Variants in C4orf50 observed in about 807,000 individuals in gnomAD.
C4orf50 encodes the protein chromosome 4 open reading frame 50.
In C4orf50, 80 loss-of-function variants were observed where a neutral mutation model predicts 77.2. The ratio of observed to expected loss-of-function variants is 1.04; its 90% CI spans 0.87 to 1.25. The LOEUF is 1.25. Among genes scored for constraint, C4orf50 ranks in the 50% most tolerant of loss-of-function variants. The probability of loss-of-function intolerance (pLI) is 0.00; values close to 1 mark genes in which losing one functional copy is unlikely to be tolerated. For missense variants in C4orf50, 1,257 were observed against 1,152.9 expected (o/e 1.09, Z -1.31); for synonymous variants, 532 against 465.3 (o/e 1.14, Z -1.84).
Position 5,908,333 on chromosome 4 carries a change from G to A in C4orf50, c.*2475-10145C>T, listed in dbSNP as rs1716645482. On this transcript the variant is annotated intron_variant, in intron 7 of 7. Coordinates refer to the C4orf50 transcript ENST00000324058. The surrounding 1 kb of genome is among the most constrained non-coding windows in gnomAD (Gnocchi z 5.6). ...AAGCTGACTGAGACATTATGACAGG[G>A]TACATGCAGGAAGCTCACTGCACTG... is the stretch of plus-strand genomic sequence containing the variant. 6.6e-6 allele frequency among the ~76,000 whole-genome samples: 1 copy of A among 152,136 alleles called. No homozygotes were observed.
chr4:5,900,800 G>A lies in C4orf50; in HGVS notation c.*2475-2612C>T, dbSNP rs888951477. On this transcript the variant is annotated intron_variant, in intron 7 of 7. Transcript: ENST00000324058. The surrounding 1 kb of genome is among the most constrained non-coding windows in gnomAD (Gnocchi z 4.3). ...GAGAAGGATGCTTACACTAGATGAAGTCTGAGGCTGTCTCCAGCTCCAACA... is the reference window on the plus strand; with the variant it reads ...GAGAAGGATGCTTACACTAGATGAAATCTGAGGCTGTCTCCAGCTCCAACA... 6.6e-6 allele frequency: 1 copy of A among 152,232 alleles called. No individual in the cohort carries two copies. Among genetic ancestry groups the A allele is most frequent in the Admixed American group, 6.5e-5 (1 of 15,276 alleles). The allele number at this position is 152,232 out of a possible 1,614,324, so 9.4% of individuals were successfully genotyped here.
intron 7 of C4orf50, among the ~76,000 whole-genome samples, chr4:5,907,490 A>G (rs1039052584): frequency 1.3e-5 from 2 of 152,232 alleles, no homozygotes; most frequent in African/African-American, 2.4e-5. Flanking sequence ...TTAAAATATT[A>G]ATGATCACAA....
chr4:5,913,327 C>T (rs539853795), intron 7 of C4orf50, among the ~76,000 whole-genome samples: 5 of 152,210 alleles, frequency 3.3e-5, no homozygotes, highest in Admixed American at 1.3e-4. Flanking sequence ...AGGAGGAGGC[C>T]GTGTCTCTAG....
intron 7 of C4orf50, among the ~76,000 whole-genome samples, chr4:5,921,051 G>C (rs558486939): frequency 6.6e-6 from 1 of 152,318 alleles, no homozygotes; most frequent in South Asian, 2.1e-4. Context: ...GCTTATCTGA[G>C]TGACCTGAGA....
chr4:5,993,238 G>A (rs58220785), intron 26 of C4orf50, among the ~76,000 whole-genome samples: 2,636 of 152,284 alleles, frequency 0.017, 73 homozygotes, highest in African/African-American at 0.061. Flanking sequence ...ATCCTCATCT[G>A]TCAAACAGGG....
intron 33 of C4orf50, among the ~76,000 whole-genome samples, chr4:5,964,767 CAAAAAAAAAA>C (rs71171498): frequency 1.9e-5 from 2 of 107,974 alleles, no homozygotes; most frequent in Non-Finnish European, 1.8e-5. Flanking sequence ...GACTCTGTCT[CAAAAAAAAAA>C]AAAAAAAAAA....
chr4:5,966,568 G>A (rs986040026), intron 32 of C4orf50, among the ~76,000 whole-genome samples: 1 of 151,546 alleles, frequency 6.6e-6, no homozygotes, highest in Admixed American at 6.6e-5. Flanking sequence ...AATGTTTTAG[G>A]TGCTGTCCTA....
intron 7 of C4orf50, among the ~76,000 whole-genome samples, chr4:5,926,647 A>C (rs1717528076): frequency 6.6e-6 from 1 of 152,108 alleles, no homozygotes; most frequent in Middle Eastern, 3.4e-3. Flanking sequence ...AGGGCAGATG[A>C]CCCAGCACAG....
At chr4:5,986,413 G>C (rs1402222925) in intron 28 of C4orf50, among the ~76,000 whole-genome samples, 1 of 152,130 alleles carries the variant, frequency 6.6e-6, no homozygotes, top group African/African-American at 2.4e-5. Context: ...ATGGGTCAAA[G>C]AAGAAATCAT....
intron 33 of C4orf50, among the ~76,000 whole-genome samples, chr4:5,963,417 G>T (rs1201602508): frequency 6.6e-6 from 1 of 151,896 alleles, no homozygotes; most frequent in African/African-American, 2.4e-5. Context: ...TTAAAATGAA[G>T]TTTACCCATC....
At chr4:5,964,931 G>A (rs1193744649) in intron 33 of C4orf50, 93 bp downstream of exon 11, 95 of 1,240,220 alleles carry the variant, frequency 7.7e-5, no homozygotes, top group Non-Finnish European at 5.7e-6. Context: ...CTTTCTGGGT[G>A]TATATCGCTT....
chr4:5,941,683 C>T (rs911700750), intron 7 of C4orf50, among the ~76,000 whole-genome samples: 8 of 152,180 alleles, frequency 5.3e-5, no homozygotes, highest in Non-Finnish European at 7.3e-5. Context: ...CCAGCACACG[C>T]TAAACAGTCC....
At chr4:5,931,687 C>A (rs1051117691) in intron 7 of C4orf50, among the ~76,000 whole-genome samples, 1 of 152,152 alleles carries the variant, frequency 6.6e-6, no homozygotes, top group Admixed American at 6.5e-5. Flanking sequence ...CCCACTCCAC[C>A]CTCTCTGCAG....
Position 5,932,008 on chromosome 4 carries a change from T to C in C4orf50, c.*2474+24893A>G, listed in dbSNP as rs1025119711. Among the ~76,000 whole-genome samples the C allele has an allele frequency of 6.6e-6, 1 of 150,842 alleles. No individual in the cohort carries two copies. The highest frequency in any genetic ancestry group is 6.6e-5 in the Admixed American group (1 of 15,166). Reference sequence around the variant, plus strand: ...TCACCAGCTCAGTATTTACGGAGAGTTGTCACCTGACCCCAAAATGCTAAG... The same window carrying C: ...TCACCAGCTCAGTATTTACGGAGAGCTGTCACCTGACCCCAAAATGCTAAG... On this transcript the variant is annotated intron_variant, in intron 7 of 7. Transcript: ENST00000324058. This position sits in a 1 kb window ranked among gnomAD's most constrained non-coding sequence, Gnocchi z 4.2.
chr4:5,935,361 C>T (rs546713371), intron 7 of C4orf50, among the ~76,000 whole-genome samples: 3 of 152,320 alleles, frequency 2.0e-5, no homozygotes, highest in South Asian at 4.1e-4. Flanking sequence ...GGCTTGAGTT[C>T]TAGGTGAAGA....
chr4:5,934,790 C>G (rs1365252310), intron 7 of C4orf50, among the ~76,000 whole-genome samples: 1 of 152,208 alleles, frequency 6.6e-6, no homozygotes, highest in Non-Finnish European at 1.5e-5. Flanking sequence ...AAAATGCCAA[C>G]AGCTATTATT....
At chr4:6,004,682 T>C (rs1722168654) in intron 25 of C4orf50, among the ~76,000 whole-genome samples, 1 of 135,918 alleles carries the variant, frequency 7.4e-6, no homozygotes, top group Admixed American at 7.4e-5. Context: ...ATGTTGATGG[T>C]GGTGGTGATG....
intron 26 of C4orf50, among the ~76,000 whole-genome samples, chr4:5,993,672 C>A (rs568416205): frequency 1.2e-4 from 19 of 152,076 alleles, no homozygotes; most frequent in Non-Finnish European, 1.3e-4. Flanking sequence ...CAAAAGTTAG[C>A]CGGGCATGGT....
downstream of C4orf50, among the ~76,000 whole-genome samples, chr4:5,952,506 C>G (rs372674596): frequency 2.3e-4 from 35 of 152,284 alleles, no homozygotes; most frequent in African/African-American, 8.4e-4. This position sits in a 1 kb window ranked among gnomAD's most constrained non-coding sequence, Gnocchi z 4.4. Context: ...GTCTCTGGCC[C>G]CAGGCGGCAC....
Sources: gnomAD v4.1 joint callset for allele counts (sites outside exome capture counted in the v4.1 genomes callset) on GRCh38, gnomAD v4.1.1 for gene constraint, Gnocchi (gnomAD v3.1) non-coding constraint, MANE v1.5 for transcripts, NCBI Gene and HGNC (gene_info 2026-07-23, HGNC 2026-07-21) for gene names.